The following UHRF2 variants were observed in gnomAD, a reference collection of about 807,000 sequenced individuals.
UHRF2 encodes the protein ubiquitin like with PHD and ring finger domains 2.
UHRF2 carries 23 observed loss-of-function variants against 96.8 expected under a neutral mutation model. That is an observed-to-expected ratio of 0.24 (90% CI 0.17 to 0.34). The LOEUF is 0.34. Among genes scored for constraint, UHRF2 ranks in the 10% least tolerant of loss-of-function variants. The pLI is 1.00. For missense variants in UHRF2, 685 were observed against 981.5 expected (o/e 0.70, Z 4.04); for synonymous variants, 385 against 332.6 (o/e 1.16, Z -1.72).
intron 9 of UHRF2, 56 bp downstream of exon 9, chr9:6,486,981 G>T: frequency 6.5e-7 from 1 of 1,528,952 alleles, no homozygotes; most frequent in Non-Finnish European, 9.0e-7. Flanking sequence ...TTGTAAAATA[G>T]AATAGCTTTG....
chr9:6,419,249 A>T (rs1165709084), intron 1 of UHRF2, among the ~76,000 whole-genome samples: 1 of 152,210 alleles, frequency 6.6e-6, no homozygotes, highest in Non-Finnish European at 1.5e-5. Context: ...ACCTCTTTAA[A>T]AGACTGTTTC....
rs1179623673 is a variant in UHRF2 at position 6,421,000 on chromosome 9, C to G, written c.242C>G (p.Pro81Arg). ...GTTCGCCCAGACCCTGATCATCTTC[C>G]TGGCACATCTACACAGATTGAGGCT... Reference protein sequence around the residue: ...LLVRPDPDHLPGTSTQIEAKP... With the variant: ...LLVRPDPDHLRGTSTQIEAKP... The change falls in exon 2 of 16, where the codon CCT (proline) becomes CGT (arginine). Residue 81 changes from proline (P) to arginine (R), a missense_variant. Around this residue, in one of 6 missense-constraint regions of UHRF2, gnomAD observed 391 missense variants for 437.0 expected, o/e 0.89. Coordinates refer to ENST00000276893, the MANE Select transcript of UHRF2 (RefSeq NM_152896.3). The G allele has an allele frequency of 2.5e-6, 4 of 1,613,942 alleles. No homozygotes were observed. In the African/African-American group the frequency reaches 5.3e-5, roughly 22 times the overall value.
chr9:6,452,663 C>T (rs1821943599), intron 3 of UHRF2, among the ~76,000 whole-genome samples: 1 of 152,118 alleles, frequency 6.6e-6, no homozygotes, highest in South Asian at 2.1e-4. Flanking sequence ...TGGATAAAGG[C>T]AACATAAGAT....
chr9:6,436,661 G>T (rs1443952563), intron 3 of UHRF2, among the ~76,000 whole-genome samples: 2 of 152,142 alleles, frequency 1.3e-5, no homozygotes, highest in African/African-American at 4.8e-5. Context: ...AGTTTTAGGG[G>T]CTCTTAAAGT....
chr9:6,488,304 A>G (rs1824434922), intron 9 of UHRF2, among the ~76,000 whole-genome samples: 1 of 106,272 alleles, frequency 9.4e-6, no homozygotes, highest in Non-Finnish European at 1.8e-5. Context: ...AAAAAAAAAA[A>G]AAATGCGGGA....
At chr9:6,468,504 C>T (rs1457701693) in intron 4 of UHRF2, 10 of 455,900 alleles carry the variant, frequency 2.2e-5, no homozygotes, top group Middle Eastern at 3.2e-4. Flanking sequence ...AGGCAGGTAG[C>T]TTTGTAGTTG....
chr9:6,488,542 T>G (rs1411535083), intron 9 of UHRF2, among the ~76,000 whole-genome samples: 1 of 83,126 alleles, frequency 1.2e-5, no homozygotes, highest in Admixed American at 1.3e-4. Context: ...TTTCTTTTCT[T>G]TTTTTTTTTT....
At chr9:6,449,990 T>G (rs1266438719) in intron 3 of UHRF2, among the ~76,000 whole-genome samples, 2 of 152,128 alleles carry the variant, frequency 1.3e-5, no homozygotes, top group Admixed American at 1.3e-4. Flanking sequence ...CATTGTTGTT[T>G]GTTTTTTGTT....
At chr9:6,463,284 T>TAAAAA (rs77270598) in intron 4 of UHRF2, among the ~76,000 whole-genome samples, 1 of 149,548 alleles carries the variant, frequency 6.7e-6, no homozygotes. Flanking sequence ...TTCGTCTCAA[T>TAAAAA]AAAAAAAAAA....
In UHRF2 at chr9:6,420,922, G is replaced by C; in HGVS notation, c.164G>C (p.Gly55Ala). 1 of 1,613,218 alleles carries C rather than the reference G, an allele frequency of 6.2e-7. No individual in the cohort carries two copies. The highest frequency in any genetic ancestry group is 8.5e-7 in the Non-Finnish European group (1 of 1,179,180). Reference protein sequence around the residue: ...LFYRGKQLENGYTLFDYDVGL... With the variant: ...LFYRGKQLENAYTLFDYDVGL... ...TTCTTTATTTTCTAGTTGGAAAATG[G>C]ATATACCTTATTTGATTATGATGTT... The change falls in exon 2 of 16, where the codon GGA becomes GCA. Residue 55 changes from glycine to alanine, a missense_variant. This residue lies in a region of UHRF2 where 391 missense variants were observed against 437.0 expected (regional missense o/e 0.89). Coordinates refer to ENST00000276893, the MANE Select transcript of UHRF2 (RefSeq NM_152896.3).
chr9:6,414,647 C>A (rs1226229200), intron 1 of UHRF2, among the ~76,000 whole-genome samples: 2 of 152,194 alleles, frequency 1.3e-5, no homozygotes, highest in Non-Finnish European at 2.9e-5. Context: ...AGTTTGGCTC[C>A]AATCCTGTGG....
rs748776720 is a variant in UHRF2, at chr9:6,413,464, G to A, written c.-27G>A. 2 of 1,505,198 alleles carry A rather than the reference G, an allele frequency of 1.3e-6. No individual in the cohort carries two copies. Among genetic ancestry groups the A allele is most frequent in the East Asian group, 2.7e-5 (1 of 36,758 alleles). 93.2% of individuals were successfully genotyped at this position (1,505,198 alleles called of 1,614,324 possible). The stretch of plus-strand genomic sequence containing the variant: ...GCCCAGAGCTCAGGGGGAGACAAAG[G>A]GGACCGGTTCCTCTCTAGGCGCCAA... On this transcript the variant is annotated 5_prime_UTR_variant, in exon 1 of 16. Transcript: ENST00000276893.
At chr9:6,502,018 G>A (rs1816317488) in intron 14 of UHRF2, among the ~76,000 whole-genome samples, 1 of 152,182 alleles carries the variant, frequency 6.6e-6, no homozygotes, top group Non-Finnish European at 1.5e-5. Flanking sequence ...CTTGCTGCTA[G>A]TGATTACTTT....
chr9:6,428,324 C>A (rs568957700), intron 2 of UHRF2, among the ~76,000 whole-genome samples: 1 of 152,188 alleles, frequency 6.6e-6, no homozygotes, highest in African/African-American at 2.4e-5. Context: ...CAGGAACTTA[C>A]CAGGTGCCTC....
intron 5 of UHRF2, among the ~76,000 whole-genome samples, chr9:6,476,926 TA>T (rs1468100607): frequency 6.6e-6 from 1 of 152,116 alleles, no homozygotes; most frequent in Non-Finnish European, 1.5e-5. Flanking sequence ...CACACTTGAT[TA>T]TTCTTTTTGG....
At chr9:6,492,108 TATA>T (rs1260457434) in intron 9 of UHRF2, among the ~76,000 whole-genome samples, 1 of 152,188 alleles carries the variant, frequency 6.6e-6, no homozygotes, top group African/African-American at 2.4e-5. Context: ...CTCGTGATAA[TATA>T]ATGTTTTTGT....
At chr9:6,419,567 A>G (rs1462165562) in intron 1 of UHRF2, among the ~76,000 whole-genome samples, 6 of 152,186 alleles carry the variant, frequency 3.9e-5, no homozygotes, top group Admixed American at 3.3e-4. Context: ...CACTGAGCTG[A>G]TGACTTAATG....
intron 3 of UHRF2, among the ~76,000 whole-genome samples, chr9:6,447,147 C>T (rs1053167704): frequency 6.6e-6 from 1 of 152,116 alleles, no homozygotes; most frequent in Non-Finnish European, 1.5e-5. Context: ...CTTCTGCCTC[C>T]CAAAGTGCTG....
chr9:6,462,325 A>T (rs573698069), intron 4 of UHRF2, among the ~76,000 whole-genome samples: 52 of 139,120 alleles, frequency 3.7e-4, no homozygotes, highest in African/African-American at 1.0e-3. Context: ...CCTGAGATTT[A>T]AAAAAAAAAA....
Sources: allele counts gnomAD v4.1 joint callset (sites outside exome capture counted in the v4.1 genomes callset), GRCh38; gene constraint gnomAD v4.1.1; regional missense constraint gnomAD v4.1.1; transcripts MANE v1.5; gene names NCBI Gene and HGNC (gene_info 2026-07-23, HGNC 2026-07-21).